The following DOCK1 variants were observed in gnomAD, a reference collection of about 807,000 sequenced individuals.
The protein encoded by DOCK1 is dedicator of cytokinesis protein 1.
A neutral mutation model predicts 262.7 loss-of-function variants in DOCK1; 138 were observed. The observed-to-expected ratio is 0.53, with a 90% CI of 0.46 to 0.61. The LOEUF (loss-of-function observed/expected upper bound fraction) is 0.61, where lower values mean the gene tolerates loss of function less well. Ranked by LOEUF, DOCK1 falls within the 20% of genes least tolerant of loss-of-function variation. DOCK1 has a pLI of 0.00. For missense variants in DOCK1, 1,908 were observed against 2,370.7 expected, an observed-to-expected ratio of 0.80 and a Z score of 4.05; for synonymous variants, 866 against 867.4, an observed-to-expected ratio of 1.00 and a Z score of 0.03.
intron 27 of DOCK1, among the ~76,000 whole-genome samples, chr10:127,183,474 G>A (rs2055931899): frequency 6.6e-6 from 1 of 152,176 alleles, no homozygotes. Context: ...GCTGTGCCAG[G>A]AAGAAAAGGA....
At chr10:126,964,326 G>C (rs2037499288) in intron 1 of DOCK1, among the ~76,000 whole-genome samples, 1 of 152,358 alleles carries the variant, frequency 6.6e-6, no homozygotes, top group Admixed American at 6.5e-5. Flanking sequence ...GCCCAGCTCA[G>C]TGTGGACCAG....
At chr10:126,986,238 G>A (rs747863231) in intron 4 of DOCK1, among the ~76,000 whole-genome samples, 4 of 152,094 alleles carry the variant, frequency 2.6e-5, no homozygotes, top group African/African-American at 4.8e-5. Context: ...TGAGACCACC[G>A]TTCTTCCAGG....
chr10:127,380,598 C>T (rs1261797386), intron 36 of DOCK1, among the ~76,000 whole-genome samples: 3 of 152,088 alleles, frequency 2.0e-5, no homozygotes, highest in African/African-American at 4.8e-5. Context: ...TTTGCATTGC[C>T]TGCTGGATTT....
chr10:127,084,182 T>G (rs774404530), intron 23 of DOCK1, among the ~76,000 whole-genome samples: 2 of 152,208 alleles, frequency 1.3e-5, no homozygotes, highest in Non-Finnish European at 2.9e-5. Context: ...TGGTGAGTGA[T>G]TGTTTCATAT....
At chr10:127,431,809 G>T (rs2069310898) in intron 47 of DOCK1, among the ~76,000 whole-genome samples, 1 of 152,192 alleles carries the variant, frequency 6.6e-6, no homozygotes, top group Admixed American at 6.5e-5. Flanking sequence ...CATATGTCCT[G>T]CAAGCCTAAA....
intron 23 of DOCK1, among the ~76,000 whole-genome samples, chr10:127,097,189 C>G (rs1377959730): frequency 6.6e-6 from 1 of 152,294 alleles, no homozygotes; most frequent in East Asian, 1.9e-4. Flanking sequence ...TCTGCCCTTT[C>G]CTGTTTCTTC....
chr10:127,043,204 T>C (rs770825731), intron 21 of DOCK1, 40 bp downstream of exon 21: 1 of 1,467,154 alleles, frequency 6.8e-7, no homozygotes, highest in South Asian at 1.2e-5. Context: ...ACTTCTTTTT[T>C]TGGTATTTGT....
At chr10:127,200,911 G>T (rs765497902) in intron 27 of DOCK1, among the ~76,000 whole-genome samples, 1 of 152,136 alleles carries the variant, frequency 6.6e-6, no homozygotes, top group African/African-American at 2.4e-5. Context: ...AAATGGAGTC[G>T]CTGTGGTTCG....
intron 45 of DOCK1, among the ~76,000 whole-genome samples, 192 bp from the exon 46 acceptor site, chr10:127,419,474 C>T (rs1427378595): frequency 1.3e-5 from 2 of 152,232 alleles, no homozygotes; most frequent in Admixed American, 6.5e-5. Flanking sequence ...CTGTTAGCTC[C>T]ACTTACAGTG....
intron 31 of DOCK1, among the ~76,000 whole-genome samples, chr10:127,344,042 T>C (rs1346599846): frequency 6.6e-6 from 1 of 152,222 alleles, no homozygotes; most frequent in Non-Finnish European, 1.5e-5. Context: ...TGATGTCATT[T>C]CACATGTGGT....
At chr10:126,968,351 T>A (rs1329980008) in intron 1 of DOCK1, among the ~76,000 whole-genome samples, 1 of 151,988 alleles carries the variant, frequency 6.6e-6, no homozygotes, top group Non-Finnish European at 1.5e-5. Context: ...GCATCTGGGG[T>A]TGTGATCTTG....
chr10:126,912,445 G>T (rs558735117), intron 1 of DOCK1, among the ~76,000 whole-genome samples: 1 of 145,060 alleles, frequency 6.9e-6, no homozygotes, highest in Non-Finnish European at 1.5e-5. Flanking sequence ...AAAAAAAAGA[G>T]ACCGGGCGCG....
intron 22 of DOCK1, among the ~76,000 whole-genome samples, chr10:127,059,995 T>C (rs7918376): frequency 0.88 from 134,025 of 152,112 alleles, 59,287 homozygotes; most frequent in South Asian, 0.93. Context: ...TGCTCAGTTT[T>C]GAGGCTACAC....
intron 22 of DOCK1, among the ~76,000 whole-genome samples, chr10:127,056,070 T>A (rs1409420270): frequency 6.6e-6 from 1 of 152,138 alleles, no homozygotes; most frequent in Non-Finnish European, 1.5e-5. Flanking sequence ...ACAAGACAAG[T>A]TGTAGCAATT....
intron 29 of DOCK1, among the ~76,000 whole-genome samples, chr10:127,300,942 T>C (rs1035461031): frequency 1.3e-5 from 2 of 152,322 alleles, no homozygotes; most frequent in South Asian, 4.2e-4. Flanking sequence ...GCTGGGCGCA[T>C]CCGCTCACTG....
chr10:127,318,159 T>A (rs2062364943), intron 29 of DOCK1, among the ~76,000 whole-genome samples: 1 of 152,224 alleles, frequency 6.6e-6, no homozygotes, highest in East Asian at 1.9e-4. Context: ...CTGGATTATT[T>A]TCGTTGCAAA....
chr10:127,412,380 C>T (rs935448059), intron 43 of DOCK1, among the ~76,000 whole-genome samples: 1 of 152,068 alleles, frequency 6.6e-6, no homozygotes, highest in Non-Finnish European at 1.5e-5. Context: ...TCTTGAACTC[C>T]TGGGCTCAAG....
chr10:127,106,099 C>A, intron 23 of DOCK1, 132 bp from the exon 24 acceptor site: 1 of 878,342 alleles, frequency 1.1e-6, no homozygotes, highest in Non-Finnish European at 1.7e-6. Flanking sequence ...ATCGTGTTAG[C>A]CGTCAGCCCC....
At position 127,442,886 on chromosome 10, in the gene DOCK1, A is replaced by T. The variant is rs370754515; in HGVS notation, c.5260-1240A>T. Among the ~76,000 whole-genome samples, 4 of 152,316 alleles carry T rather than the reference A, an allele frequency of 2.6e-5. No individual in the cohort carries two copies. The East Asian group carries it at 7.7e-4, about 29-fold the overall frequency. On this transcript the variant is annotated intron_variant, in intron 49 of 51. Coordinates refer to ENST00000623213, the MANE Select transcript of DOCK1 (RefSeq NM_001290223.2). Reference sequence around the variant, plus strand: ...AATACTCAGCCACTTTTGCATCTATATTCAGGTCACCTGCGATGTGCTGTC... The same window carrying T: ...AATACTCAGCCACTTTTGCATCTATTTTCAGGTCACCTGCGATGTGCTGTC...
Sources: gnomAD v4.1 joint callset for allele counts (sites outside exome capture counted in the v4.1 genomes callset) on GRCh38, gnomAD v4.1.1 for gene constraint, MANE v1.5 for transcripts, NCBI Gene and HGNC (gene_info 2026-07-23, HGNC 2026-07-21) for gene names.